The following RSBN1 variants were observed in gnomAD, a reference collection of about 807,000 sequenced individuals.
RSBN1 encodes lysine-specific demethylase 9.
In RSBN1, 23 loss-of-function variants were observed where a neutral mutation model predicts 74.8. The observed-to-expected ratio is 0.31, with a 90% CI of 0.22 to 0.44. The LOEUF is 0.44. Among genes scored for constraint, RSBN1 ranks in the 20% least tolerant of loss-of-function variants. The pLI is 1.00. For synonymous variants in RSBN1, 407 were observed against 379.6 expected (o/e 1.07, Z -0.84); for missense variants, 808 against 1,020.9 (o/e 0.79, Z 2.84).
Position 113,792,956 on chromosome 1 carries a change from G to A in RSBN1, c.1377+4407C>T, listed in dbSNP as rs79047401. Among the ~76,000 whole-genome samples the A allele has an allele frequency of 2.6e-3, 398 of 152,178 alleles. 1 individual carries two copies. Among genetic ancestry groups the A allele is most frequent in the African/African-American group, 9.1e-3 (377 of 41,522 alleles). ...ATGGACATATAAATTTTTCTGCTCT[G>A]GTATTAGAACATTTGAGTTTTCTAG... On this transcript the variant is annotated intron_variant, in intron 2 of 6. Coordinates refer to ENST00000261441, the MANE Select transcript of RSBN1 (RefSeq NM_018364.5).
At chr1:113,790,921 T>C (rs1217510157) in intron 2 of RSBN1, among the ~76,000 whole-genome samples, 1 of 152,214 alleles carries the variant, frequency 6.6e-6, no homozygotes, top group Non-Finnish European at 1.5e-5. Context: ...AATGTATATT[T>C]GAACTAGCAA....
Position 113,811,815 on chromosome 1 carries a change from G to C in RSBN1, c.598C>G (p.Pro200Ala), listed in dbSNP as rs2101833807. The C allele has an allele frequency of 6.2e-7, 1 of 1,613,804 alleles. No individual in the cohort carries two copies. The highest frequency in any genetic ancestry group is 1.3e-5 in the African/African-American group (1 of 74,918). The change falls in exon 1 of 7, where the codon CCC (proline) becomes GCC (alanine). Residue 200 changes from proline (P) to alanine (A), a missense_variant. Pro to Ala is a conservative substitution (Grantham distance 27). Around this residue, in one of 6 missense-constraint regions of RSBN1, gnomAD observed 464 missense variants for 401.0 expected, o/e 1.16. Coordinates refer to ENST00000261441, the MANE Select transcript of RSBN1 (RefSeq NM_018364.5). ...ERHKHHHHRG[P>A]DGDPSSCGTD... ...CCGCAGGAGCTGGGATCACCATCGG[G>C]GCCGCGGTGGTGATGGTGCTTGTGC...
intron 1 of RSBN1, among the ~76,000 whole-genome samples, chr1:113,799,827 G>C (rs998190696): frequency 6.6e-6 from 1 of 152,046 alleles, no homozygotes; most frequent in Non-Finnish European, 1.5e-5. Flanking sequence ...TTACTAATTG[G>C]AAAATATACC....
At chr1:113,773,030 TAAGTA>T in intron 4 of RSBN1, among the ~76,000 whole-genome samples, 1 of 150,866 alleles carries the variant, frequency 6.6e-6, no homozygotes, top group Non-Finnish European at 1.5e-5. Context: ...AAAACTTCTG[TAAGTA>T]AAGAAAAAAA....
chr1:113,798,721 A>G (rs1239577534), intron 1 of RSBN1, among the ~76,000 whole-genome samples: 6 of 152,242 alleles, frequency 3.9e-5, no homozygotes, highest in Non-Finnish European at 2.9e-5. Context: ...TGAAGATTAT[A>G]TAAAGATATC....
rs1198129353 is a variant in RSBN1, at chr1:113,812,080, G to C, written c.333C>G (p.Pro111=). The C allele has an allele frequency of 6.3e-7, 1 of 1,581,492 alleles. No individual in the cohort carries two copies. The highest frequency in any genetic ancestry group is 1.1e-5 in the South Asian group (1 of 87,836). The part of the protein sequence containing the change: ...GRPSQEPPLA[P]PHRRRRSRQH... ...GGCGGCTGCGACGCCGCCGGTGAGG[G>C]GGAGCGAGAGGGGGCTCCTGGCTCG... Residue 111 remains proline (P), a synonymous_variant, in exon 1 of 7, where the codon CCC becomes CCG. Transcript: ENST00000261441.
At chr1:113,797,141 T>C (rs1422618899) in intron 2 of RSBN1, among the ~76,000 whole-genome samples, 1 of 152,166 alleles carries the variant, frequency 6.6e-6, no homozygotes, top group Non-Finnish European at 1.5e-5. Context: ...AGATTTGTAA[T>C]GATGTATAAC....
At chr1:113,789,732 G>A (rs1193565826) in intron 2 of RSBN1, among the ~76,000 whole-genome samples, 2 of 152,154 alleles carry the variant, frequency 1.3e-5, no homozygotes, top group African/African-American at 4.8e-5. Flanking sequence ...GCTTGTTGTG[G>A]GGGAGAAATC....
intron 2 of RSBN1, among the ~76,000 whole-genome samples, chr1:113,783,728 G>A (rs1043203346): frequency 1.3e-5 from 2 of 152,104 alleles, no homozygotes; most frequent in African/African-American, 4.8e-5. Context: ...TTTGAGGGCT[G>A]CAACACAGAG....
chr1:113,811,602 C>A, intron 1 of RSBN1, 108 bp downstream of exon 1: 1 of 1,446,110 alleles, frequency 6.9e-7, no homozygotes, highest in Non-Finnish European at 9.1e-7. Flanking sequence ...TAGAGAAGTA[C>A]AGCAGCAGAA....
chr1:113,766,596 ACT>A (rs1480130439), intron 6 of RSBN1, 143 bp from the exon 7 acceptor site: 6 of 603,804 alleles, frequency 9.9e-6, no homozygotes, highest in South Asian at 4.6e-5. Context: ...ATGATAGGTA[ACT>A]CTCTAAAAAT....
At chr1:113,766,546 G>T in intron 6 of RSBN1, 93 bp from the exon 7 acceptor site, 2 of 789,212 alleles carry the variant, frequency 2.5e-6, no homozygotes, top group Non-Finnish European at 4.0e-6. Context: ...GAAACAAAAT[G>T]TGTCATAACA....
chr1:113,806,416 T>C (rs1660700210), intron 1 of RSBN1, among the ~76,000 whole-genome samples: 1 of 151,916 alleles, frequency 6.6e-6, no homozygotes, highest in African/African-American at 2.4e-5. Context: ...GGAAGATTAA[T>C]CTTTTCAACA....
chr1:113,776,125 A>T (rs1269117701), intron 4 of RSBN1, among the ~76,000 whole-genome samples: 1 of 152,234 alleles, frequency 6.6e-6, no homozygotes, highest in Non-Finnish European at 1.5e-5. Flanking sequence ...AACACAAAAC[A>T]TGTTAGCACA....
intron 1 of RSBN1, among the ~76,000 whole-genome samples, chr1:113,799,463 G>A (rs1660536973): frequency 6.6e-6 from 1 of 151,812 alleles, no homozygotes; most frequent in Admixed American, 6.6e-5. Flanking sequence ...GATTCCTAAA[G>A]AATAAGACAA....
intron 2 of RSBN1, among the ~76,000 whole-genome samples, chr1:113,780,898 G>A (rs1660126603): frequency 6.6e-6 from 1 of 152,172 alleles, no homozygotes; most frequent in Non-Finnish European, 1.5e-5. Context: ...CAACCTTCCT[G>A]TTTTCATTCC....
chr1:113,780,573 G>A (rs944410817), intron 2 of RSBN1, among the ~76,000 whole-genome samples: 5 of 152,194 alleles, frequency 3.3e-5, no homozygotes, highest in African/African-American at 4.8e-5. Flanking sequence ...GACAAAGAAA[G>A]GGTATGACCA....
intron 1 of RSBN1, among the ~76,000 whole-genome samples, chr1:113,800,535 C>G (rs1361222073): frequency 2.0e-5 from 3 of 152,148 alleles, no homozygotes. Flanking sequence ...TCTAATTACT[C>G]TCTTCTATTA....
intron 2 of RSBN1, among the ~76,000 whole-genome samples, chr1:113,778,160 G>C (rs1383115032): frequency 6.6e-6 from 1 of 151,904 alleles, no homozygotes; most frequent in Non-Finnish European, 1.5e-5. Context: ...AAAATCATCA[G>C]GGCAGGGAGA....
Sources: allele counts gnomAD v4.1 joint callset (sites outside exome capture counted in the v4.1 genomes callset), GRCh38; gene constraint gnomAD v4.1.1; regional missense constraint gnomAD v4.1.1; transcripts MANE v1.5; gene names NCBI Gene and HGNC (gene_info 2026-07-23, HGNC 2026-07-21).